CARS2: variants seen among roughly 807,000 people sequenced by gnomAD.
CARS2 encodes the protein probable cysteine--tRNA ligase, mitochondrial.
A neutral mutation model predicts 68.8 loss-of-function variants in CARS2; 52 were observed. The ratio of observed to expected loss-of-function variants is 0.76; its 90% CI spans 0.61 to 0.95. The LOEUF (loss-of-function observed/expected upper bound fraction) is 0.95, where lower values mean the gene tolerates loss of function less well. Ranked by LOEUF, CARS2 falls within the 40% of genes least tolerant of loss-of-function variation. The pLI is 0.00. For missense variants in CARS2, 780 were observed against 754.2 expected, an observed-to-expected ratio of 1.03 and a Z score of -0.40; for synonymous variants, 314 against 303.6, an observed-to-expected ratio of 1.03 and a Z score of -0.36.
intron 9 of CARS2, among the ~76,000 whole-genome samples, chr13:110,654,834 G>A (rs1370164427): frequency 3.3e-5 from 5 of 149,670 alleles, no homozygotes; most frequent in Admixed American, 2.0e-4. Context: ...GAGGTTTGCC[G>A]GAGCCCACAA....
chr13:110,704,466 G>A (rs1395661702), intron 2 of CARS2, among the ~76,000 whole-genome samples: 1 of 152,236 alleles, frequency 6.6e-6, no homozygotes, highest in Non-Finnish European at 1.5e-5. Flanking sequence ...GTTCATGCCT[G>A]TAATCCCAAC....
chr13:110,672,564 C>G (rs1219332927), intron 7 of CARS2, among the ~76,000 whole-genome samples: 2 of 152,312 alleles, frequency 1.3e-5, no homozygotes, highest in African/African-American at 2.4e-5. Context: ...ACATTTAAAG[C>G]AGTGTGTAGA....
Position 110,684,616 on chromosome 13 carries a change from C to T in CARS2, c.572-1482G>A, listed in dbSNP as rs150008657. On this transcript the variant is annotated intron_variant, in intron 5 of 14. Transcript: ENST00000257347. ...TTGTGCTCAGAAAACCCTGCCCTGTCCCTGCAGCGTCCTCTCTGGTCATTC... is the reference window on the plus strand; with the variant it reads ...TTGTGCTCAGAAAACCCTGCCCTGTTCCTGCAGCGTCCTCTCTGGTCATTC... 6.1e-4 allele frequency among the ~76,000 whole-genome samples: 92 copies of T among 151,564 alleles called. No individual in the cohort carries two copies. In the East Asian group the frequency reaches 0.015, roughly 25 times the overall value.
At chr13:110,712,903 G>C (rs577423815) in intron 1 of CARS2, 9 of 1,526,610 alleles carry the variant, frequency 5.9e-6, no homozygotes, top group South Asian at 3.6e-5. Context: ...ACGACACAAA[G>C]GGAGGGCGGT....
At chr13:110,651,943 A>C (rs989112990) in intron 9 of CARS2, among the ~76,000 whole-genome samples, 3 of 152,200 alleles carry the variant, frequency 2.0e-5, no homozygotes, top group South Asian at 4.1e-4. Context: ...CCCAAGAAAG[A>C]AAGCCGAGCT....
intron 9 of CARS2, among the ~76,000 whole-genome samples, chr13:110,656,693 G>T (rs1035920678): frequency 6.6e-6 from 1 of 152,126 alleles, no homozygotes; most frequent in African/African-American, 2.4e-5. Context: ...GACCATCCTG[G>T]CTAACATGGT....
rs769254654 is a variant in CARS2, at chr13:110,687,822, A to T, written c.470T>A (p.Leu157His). Residue 157 changes from leucine (L) to histidine (H), a missense_variant, in exon 5 of 15, where the codon CTC (leucine) becomes CAC (histidine). Physicochemically the swap from Leu to His is moderately conservative, Grantham distance 99. Coordinates refer to ENST00000257347, the MANE Select transcript of CARS2 (RefSeq NM_024537.4). ...TACCCTCAGGTACACCGTGGGTGGG[A>T]GAACCTGCAAGGAAGTGGAGACGTG... Reference protein sequence around the residue: ...FKQDMAALKVLPPTVYLRVTE... With the variant: ...FKQDMAALKVHPPTVYLRVTE... 3.1e-6 allele frequency: 5 copies of T among 1,603,480 alleles called. No homozygotes were observed. The highest frequency in any genetic ancestry group is 4.5e-5 in the East Asian group (2 of 44,764).
Position 110,653,016 on chromosome 13 carries a change from A to G in CARS2, c.988-1916T>C, listed in dbSNP as rs1333349776. 6.6e-6 allele frequency among the ~76,000 whole-genome samples: 1 copy of G among 151,804 alleles called. No homozygotes were observed. Among genetic ancestry groups the G allele is most frequent in the South Asian group, 2.1e-4 (1 of 4,800 alleles). ...CACACGAGAGGATGGCAGCCATCAG[A>G]CCCCACCCACGCTGAGCTAACCGCT... On this transcript the variant is annotated intron_variant, in intron 9 of 14. Transcript: ENST00000257347. This position sits in a 1 kb window ranked among gnomAD's most constrained non-coding sequence, Gnocchi z 5.6.
upstream of CARS2, among the ~76,000 whole-genome samples, chr13:110,708,876 C>G (rs1278598569): frequency 1.3e-5 from 2 of 151,798 alleles, no homozygotes; most frequent in Non-Finnish European, 2.9e-5. Flanking sequence ...GCCTCAGCCT[C>G]CCGAGTAGCT....
At chr13:110,690,630 A>G (rs1214858231) in intron 3 of CARS2, among the ~76,000 whole-genome samples, 1 of 152,172 alleles carries the variant, frequency 6.6e-6, no homozygotes, top group African/African-American at 2.4e-5. Context: ...CCTCACCACT[A>G]CAAACACAAC....
chr13:110,655,340 GA>G (rs1206013240), intron 9 of CARS2, among the ~76,000 whole-genome samples: 1 of 152,136 alleles, frequency 6.6e-6, no homozygotes, highest in Non-Finnish European at 1.5e-5. Context: ...TGTGAAAATT[GA>G]AAATGCACAT....
rs1887745705 is a variant in CARS2 at position 110,643,942 on chromosome 13, G to A, written c.1416+443C>T. 72 of 341,366 alleles carry A rather than the reference G, an allele frequency of 2.1e-4. 2 individuals carry two copies. Among genetic ancestry groups the A allele is most frequent in the South Asian group, 1.7e-3 (72 of 42,554 alleles). The allele number at this position is 341,366 out of a possible 1,614,324, so 21.1% of individuals were successfully genotyped here. A position where few individuals can be genotyped will look rare whatever the true frequency, so the allele number is the denominator to read the frequency against. On this transcript the variant is annotated intron_variant, in intron 13 of 14. Coordinates refer to ENST00000257347, the MANE Select transcript of CARS2 (RefSeq NM_024537.4). The stretch of plus-strand genomic sequence containing the variant: ...TGCACAGCCAGGGTGAGCCTCGCTG[G>A]GAAGGTGCAGGTGACTCGTGCCTGT...
At chr13:110,692,658 C>T (rs2063505516) in intron 3 of CARS2, among the ~76,000 whole-genome samples, 2 of 145,702 alleles carry the variant, frequency 1.4e-5, no homozygotes, top group Admixed American at 1.4e-4. Flanking sequence ...ACAAAAAATA[C>T]AAAACAATTA....
intron 8 of CARS2, chr13:110,663,932 T>A (rs1244296745): frequency 2.0e-6 from 2 of 996,218 alleles, no homozygotes; most frequent in Non-Finnish European, 2.4e-6. Context: ...CGGTGAAGCT[T>A]GTTGACCGTT....
chr13:110,671,048 G>T (rs2062789756), intron 7 of CARS2, among the ~76,000 whole-genome samples: 1 of 152,144 alleles, frequency 6.6e-6, no homozygotes, highest in Admixed American at 6.5e-5. Context: ...AAGCCTCCGA[G>T]AAATATGGGA....
chr13:110,689,025 G>A (rs1164452231), intron 3 of CARS2: 2 of 154,236 alleles, frequency 1.3e-5, no homozygotes, highest in African/African-American at 2.4e-5. Flanking sequence ...TCCCATGGCT[G>A]GGTTTCTGGA....
At chr13:110,667,555 G>C in intron 7 of CARS2, 82 bp from the exon 8 acceptor site, 1 of 1,275,540 alleles carries the variant, frequency 7.8e-7, no homozygotes, top group South Asian at 1.5e-5. Flanking sequence ...ATTCCTTCCA[G>C]CCTTTTTAAT....
rs576288519 is a variant in CARS2, at chr13:110,680,031, C to T, written c.656-2928G>A. Among the ~76,000 whole-genome samples, 5 of 152,180 alleles carry T rather than the reference C, an allele frequency of 3.3e-5. No homozygotes were observed. The South Asian group carries it at 1.0e-3, about 32-fold the overall frequency. On this transcript the variant is annotated intron_variant, in intron 6 of 14. Coordinates refer to ENST00000257347, the MANE Select transcript of CARS2 (RefSeq NM_024537.4). ...AAGTTAAGGAAAAGGTCCTGCCTTT[C>T]TTATACAAACTGTACCACTGAGTAA...
At chr13:110,664,060 A>C (rs2062581108) in intron 8 of CARS2, 1 of 985,304 alleles carries the variant, frequency 1.0e-6, no homozygotes, top group Non-Finnish European at 1.2e-6. Context: ...TGTATGTGAA[A>C]GACAGGAGGA....
Sources: gnomAD v4.1 joint callset for allele counts (sites outside exome capture counted in the v4.1 genomes callset) on GRCh38, gnomAD v4.1.1 for gene constraint, Gnocchi (gnomAD v3.1) non-coding constraint, MANE v1.5 for transcripts, NCBI Gene and HGNC (gene_info 2026-07-23, HGNC 2026-07-21) for gene names.